Variants in TNFSF4 observed in about 807,000 individuals in gnomAD.
TNFSF4 encodes tumor necrosis factor ligand superfamily member 4.
In TNFSF4, 4 loss-of-function variants were observed where a neutral mutation model predicts 7.3. The ratio of observed to expected loss-of-function variants is 0.55; its 90% CI spans 0.27 to 1.25. The LOEUF is 1.25. TNFSF4 is among the 50% of genes most tolerant of loss of function. The pLI, the probability that TNFSF4 is intolerant of heterozygous loss-of-function variation, is 0.12. For synonymous variants in TNFSF4, 76 were observed against 83.7 expected, an observed-to-expected ratio of 0.91 and a Z score of 0.50; for missense variants, 181 against 208.8, an observed-to-expected ratio of 0.87 and a Z score of 0.82.
At chr1:173,241,627 A>T in the TNFSF4 span, among the ~76,000 whole-genome samples, 3 of 152,204 alleles carry the variant, frequency 2.0e-5, no homozygotes, top group Non-Finnish European at 4.4e-5. Context: ...CCCAGATAAG[A>T]TTGGCAACAG....
At chr1:173,237,187 G>A in the TNFSF4 span, among the ~76,000 whole-genome samples, 5 of 152,132 alleles carry the variant, frequency 3.3e-5, no homozygotes, top group Non-Finnish European at 7.3e-5. Flanking sequence ...GGAATTGTGC[G>A]TCCATTAAAC....
the TNFSF4 span, chr1:173,175,587 G>T: frequency 6.6e-6 from 1 of 152,110 alleles, no homozygotes; most frequent in Non-Finnish European, 1.5e-5. Flanking sequence ...TGAAAAGGAA[G>T]CTTTTGTTTA....
At chr1:173,231,362 A>T in the TNFSF4 span, among the ~76,000 whole-genome samples, 1 of 152,248 alleles carries the variant, frequency 6.6e-6, no homozygotes, top group Non-Finnish European at 1.5e-5. Flanking sequence ...TTATCTCAAT[A>T]GATGCAGAAA....
chr1:173,433,462 G>A, the TNFSF4 span, among the ~76,000 whole-genome samples: 4 of 152,030 alleles, frequency 2.6e-5, no homozygotes, highest in African/African-American at 9.7e-5. Flanking sequence ...TGGGATGCCA[G>A]GGTTGGTGGA....
chr1:173,414,145 G>C, the TNFSF4 span, among the ~76,000 whole-genome samples: 1 of 152,178 alleles, frequency 6.6e-6, no homozygotes, highest in African/African-American at 2.4e-5. Flanking sequence ...CCACAGACTG[G>C]AGGGCTTAAA....
chr1:173,282,414 ACTGT>A, the TNFSF4 span, among the ~76,000 whole-genome samples: 3 of 152,050 alleles, frequency 2.0e-5, no homozygotes, highest in Non-Finnish European at 2.9e-5. Flanking sequence ...ATTTAAACTC[ACTGT>A]CTATGAATAA....
At chr1:173,175,866 T>C in the TNFSF4 span, among the ~76,000 whole-genome samples, 1 of 152,214 alleles carries the variant, frequency 6.6e-6, no homozygotes, top group Non-Finnish European at 1.5e-5. Flanking sequence ...TGTTGGCGCA[T>C]ACATGAGTTC....
At chr1:173,445,711 G>A in the TNFSF4 span, among the ~76,000 whole-genome samples, 5 of 152,046 alleles carry the variant, frequency 3.3e-5, no homozygotes, top group African/African-American at 2.4e-5. Context: ...AAAGAACCCC[G>A]GTCTATTGAG....
the TNFSF4 span, among the ~76,000 whole-genome samples, chr1:173,311,728 C>T: frequency 6.6e-6 from 1 of 151,970 alleles, no homozygotes; most frequent in East Asian, 1.9e-4. Context: ...AGGAAGAGCC[C>T]CTTCCTCCTC....
chr1:173,243,935 GTA>G, the TNFSF4 span, among the ~76,000 whole-genome samples: 1 of 152,168 alleles, frequency 6.6e-6, no homozygotes, highest in Non-Finnish European at 1.5e-5. Flanking sequence ...TAGGAAATGT[GTA>G]TCTTGATACA....
chr1:173,392,165 C>T, the TNFSF4 span, among the ~76,000 whole-genome samples: 1 of 152,328 alleles, frequency 6.6e-6, no homozygotes, highest in South Asian at 2.1e-4. Flanking sequence ...CTACTAGTAG[C>T]TCTGTGTCTA....
chr1:173,179,470 C>A (rs1649013518), downstream of TNFSF4, among the ~76,000 whole-genome samples: 1 of 152,168 alleles, frequency 6.6e-6, no homozygotes, highest in Non-Finnish European at 1.5e-5. Flanking sequence ...TTAGTACAAA[C>A]CCACCACATT....
the TNFSF4 span, among the ~76,000 whole-genome samples, chr1:173,431,293 A>G: frequency 0.017 from 2,522 of 152,298 alleles, 73 homozygotes; most frequent in African/African-American, 0.055. Context: ...CTTGAAATTC[A>G]AAAGTATGGT....
the TNFSF4 span, among the ~76,000 whole-genome samples, chr1:173,386,855 G>C: frequency 8.5e-5 from 13 of 152,210 alleles, no homozygotes; most frequent in Non-Finnish European, 1.8e-4. Context: ...ATTTAATGTT[G>C]TTTGTCTTAC....
the TNFSF4 span, among the ~76,000 whole-genome samples, chr1:173,256,616 C>A: frequency 3.2e-4 from 49 of 152,326 alleles, no homozygotes; most frequent in African/African-American, 1.2e-3. Context: ...GAAACTTTCA[C>A]AGCCTGATGT....
At chr1:173,404,799 T>A in the TNFSF4 span, among the ~76,000 whole-genome samples, 7 of 152,158 alleles carry the variant, frequency 4.6e-5, no homozygotes, top group South Asian at 1.5e-3. Context: ...GCCCTGATAA[T>A]TTTTGTATTT....
chr1:173,327,144 G>T, the TNFSF4 span, among the ~76,000 whole-genome samples: 1 of 152,148 alleles, frequency 6.6e-6, no homozygotes, highest in African/African-American at 2.4e-5. Flanking sequence ...AACCAAAACA[G>T]CATAGTACTG....
the TNFSF4 span, among the ~76,000 whole-genome samples, chr1:173,408,941 A>G: frequency 6.6e-6 from 1 of 152,146 alleles, no homozygotes; most frequent in African/African-American, 2.4e-5. Context: ...ATATTTACAA[A>G]TTTTTTTAAA....
the TNFSF4 span, among the ~76,000 whole-genome samples, chr1:173,349,682 G>A: frequency 6.6e-6 from 1 of 152,138 alleles, no homozygotes; most frequent in Non-Finnish European, 1.5e-5. Flanking sequence ...TTAAGCTGTA[G>A]GATGCTCAGT....
Sources: gnomAD v4.1 joint callset for allele counts (sites outside exome capture counted in the v4.1 genomes callset) on GRCh38, gnomAD v4.1.1 for gene constraint, MANE v1.5 for transcripts, NCBI Gene and HGNC (gene_info 2026-07-23, HGNC 2026-07-21) for gene names.